RASGRF2: variants seen among roughly 807,000 people sequenced by gnomAD.
RASGRF2 encodes Ras protein specific guanine nucleotide releasing factor 2, also known as ras-specific guanine nucleotide-releasing factor 2.
A neutral mutation model predicts 151.0 loss-of-function variants in RASGRF2; 76 were observed. The ratio of observed to expected loss-of-function variants is 0.50; its 90% CI spans 0.42 to 0.61. RASGRF2 has a LOEUF of 0.61. RASGRF2 is among the 20% of genes least tolerant of loss of function. RASGRF2 has a pLI of 0.00. For synonymous variants in RASGRF2, 504 were observed against 566.5 expected (o/e 0.89, Z 1.57); for missense variants, 1,148 against 1,564.6 (o/e 0.73, Z 4.49).
At chr5:81,147,711 T>C (rs776745673) in intron 17 of RASGRF2, among the ~76,000 whole-genome samples, 8 of 152,234 alleles carry the variant, frequency 5.3e-5, no homozygotes, top group Non-Finnish European at 1.2e-4. Flanking sequence ...AGCATTTGAA[T>C]GGTAACAGCG....
chr5:80,985,914 T>C (rs1419106996), intron 1 of RASGRF2, among the ~76,000 whole-genome samples: 4 of 150,192 alleles, frequency 2.7e-5, no homozygotes, highest in African/African-American at 9.7e-5. Flanking sequence ...TTGACTCCAA[T>C]AGGTCTTTAG....
chr5:81,195,724 A>G (rs1384514619), intron 18 of RASGRF2, among the ~76,000 whole-genome samples: 1 of 152,160 alleles, frequency 6.6e-6, no homozygotes, highest in Non-Finnish European at 1.5e-5. Flanking sequence ...ATCAGAATCT[A>G]ATTTTAGCCA....
intron 24 of RASGRF2, chr5:81,216,992 G>A: frequency 2.2e-6 from 1 of 459,228 alleles, no homozygotes; most frequent in Non-Finnish European, 4.4e-6. Flanking sequence ...TTGATTTAAA[G>A]AGGTAAGACC....
At chr5:81,215,312 C>T (rs1393874324) in intron 23 of RASGRF2, among the ~76,000 whole-genome samples, 1 of 149,652 alleles carries the variant, frequency 6.7e-6, no homozygotes, top group Non-Finnish European at 1.5e-5. Flanking sequence ...GCTCTGTTGC[C>T]CAGGCTGGCA....
chr5:81,030,827 A>G (rs921267362), intron 1 of RASGRF2, among the ~76,000 whole-genome samples: 2 of 152,228 alleles, frequency 1.3e-5, no homozygotes, highest in Non-Finnish European at 2.9e-5. Context: ...AAATGGGCTA[A>G]ATGCTCCAAT....
At chr5:81,122,057 G>A (rs1561217735) in intron 15 of RASGRF2, among the ~76,000 whole-genome samples, 1 of 152,198 alleles carries the variant, frequency 6.6e-6, no homozygotes, top group Non-Finnish European at 1.5e-5. Context: ...GATCAAAAGT[G>A]AATATGCCAG....
At position 80,961,031 on chromosome 5, in the gene RASGRF2, C is replaced by A; in HGVS notation, c.288+5C>A. 1 of 1,454,702 alleles carries A rather than the reference C, an allele frequency of 6.9e-7. No homozygotes were observed. The highest frequency in any genetic ancestry group is 9.1e-7 in the Non-Finnish European group (1 of 1,098,072). The allele number at this position is 1,454,702 out of a possible 1,614,324, so 90.1% of individuals were successfully genotyped here. ...CGAGACGCGCTGGACAAGCAGGTAC[C>A]GCGCGCCTTCTCTCCGCGGTCTCCC... is the stretch of plus-strand genomic sequence containing the variant. On this transcript the variant is annotated splice_donor_5th_base_variant and intron_variant, in intron 1 of 26. Coordinates refer to ENST00000265080, the MANE Select transcript of RASGRF2 (RefSeq NM_006909.3).
chr5:81,113,350 C>T (rs1753053798), intron 14 of RASGRF2, 188 bp from the exon 15 acceptor site: 2 of 675,330 alleles, frequency 3.0e-6, no homozygotes, highest in Non-Finnish European at 4.9e-6. Flanking sequence ...TTAGACGATG[C>T]CTAATAAGTG....
At chr5:81,044,131 A>G (rs1213242755) in intron 2 of RASGRF2, among the ~76,000 whole-genome samples, 2 of 152,100 alleles carry the variant, frequency 1.3e-5, no homozygotes, top group Non-Finnish European at 2.9e-5. Flanking sequence ...AGAATGAGGC[A>G]TTTAGGCTGG....
intron 17 of RASGRF2, among the ~76,000 whole-genome samples, chr5:81,152,191 G>A (rs541814768): frequency 1.1e-4 from 17 of 152,134 alleles, no homozygotes; most frequent in Admixed American, 3.3e-4. Flanking sequence ...TGGTAGAGAC[G>A]GGGATTCATC....
intron 17 of RASGRF2, among the ~76,000 whole-genome samples, chr5:81,152,015 T>A (rs917125607): frequency 3.3e-5 from 5 of 152,148 alleles, no homozygotes; most frequent in Admixed American, 6.5e-5. Flanking sequence ...TTTGTTTGTT[T>A]GTTTGAGATG....
intron 1 of RASGRF2, 24 bp from the exon 2 acceptor site, chr5:81,042,853 T>G (rs1475148224): frequency 6.5e-7 from 1 of 1,536,174 alleles, no homozygotes; most frequent in African/African-American, 1.4e-5. Context: ...GAACTAAGTT[T>G]TTTGTGTTTC....
At chr5:81,220,843 C>T (rs1406899491) in intron 26 of RASGRF2, among the ~76,000 whole-genome samples, 1 of 152,162 alleles carries the variant, frequency 6.6e-6, no homozygotes, top group Non-Finnish European at 1.5e-5. Context: ...CTTTCTGCTC[C>T]AGGATCCCAT....
At chr5:81,068,480 A>T (rs934996292) in intron 3 of RASGRF2, among the ~76,000 whole-genome samples, 3 of 151,670 alleles carry the variant, frequency 2.0e-5, no homozygotes, top group Non-Finnish European at 4.4e-5. Flanking sequence ...ATAGCATTTA[A>T]CTGTTTTCAG....
intron 1 of RASGRF2, among the ~76,000 whole-genome samples, chr5:80,998,837 T>C (rs541149824): frequency 1.3e-5 from 2 of 152,326 alleles, no homozygotes; most frequent in Admixed American, 6.5e-5. Flanking sequence ...GAGAGTGAGC[T>C]TGAGGTTCAT....
At chr5:81,177,760 C>T (rs1181482679) in intron 17 of RASGRF2, among the ~76,000 whole-genome samples, 1 of 151,992 alleles carries the variant, frequency 6.6e-6, no homozygotes, top group South Asian at 2.1e-4. Context: ...GGCTGGAAAG[C>T]GCTCATTTGG....
At chr5:81,073,095 C>CAT in intron 4 of RASGRF2, 104 bp from the exon 5 acceptor site, 2 of 1,360,020 alleles carry the variant, frequency 1.5e-6, no homozygotes, top group Non-Finnish European at 2.0e-6. Flanking sequence ...TAGAGGTTAT[C>CAT]ATGTTTTCTG....
chr5:81,181,006 C>A (rs1754904643), intron 18 of RASGRF2, among the ~76,000 whole-genome samples: 1 of 152,164 alleles, frequency 6.6e-6, no homozygotes, highest in African/African-American at 2.4e-5. Flanking sequence ...GGACACCCAC[C>A]TGCCTGGCAC....
intron 1 of RASGRF2, among the ~76,000 whole-genome samples, chr5:81,020,679 T>C (rs913669654): frequency 6.6e-6 from 1 of 152,204 alleles, no homozygotes; most frequent in African/African-American, 2.4e-5. Flanking sequence ...GAGGATTCTC[T>C]TGGAGTCCTG....
Sources: gnomAD v4.1 joint callset for allele counts (sites outside exome capture counted in the v4.1 genomes callset) on GRCh38, gnomAD v4.1.1 for gene constraint, MANE v1.5 for transcripts, NCBI Gene and HGNC (gene_info 2026-07-23, HGNC 2026-07-21) for gene names.